GLIS3: variants seen among roughly 807,000 people sequenced by gnomAD.
GLIS3 encodes GLIS family zinc finger 3, also known as zinc finger protein GLIS3.
GLIS3 carries 53 observed loss-of-function variants against 78.6 expected under a neutral mutation model. The ratio of observed to expected loss-of-function variants is 0.67; its 90% CI spans 0.54 to 0.85. The LOEUF is 0.85. Ranked by LOEUF, GLIS3 falls within the 40% of genes least tolerant of loss-of-function variation. GLIS3 has a pLI of 0.00. For missense variants in GLIS3, 1,703 were observed against 1,231.1 expected, an observed-to-expected ratio of 1.38 and a Z score of -5.74; for synonymous variants, 684 against 509.9, an observed-to-expected ratio of 1.34 and a Z score of -4.60.
At chr9:4,025,684 C>G (rs1052255932) in intron 4 of GLIS3, among the ~76,000 whole-genome samples, 8 of 152,120 alleles carry the variant, frequency 5.3e-5, no homozygotes, top group African/African-American at 1.7e-4. Context: ...CTGTGCCTGG[C>G]CTGGCCCATG....
chr9:4,053,645 A>G lies in GLIS3; in HGVS notation c.1710+64123T>C, dbSNP rs554688736. Among the ~76,000 whole-genome samples, 329 of 150,734 alleles carry G rather than the reference A, an allele frequency of 2.2e-3. 5 individuals carry two copies. The highest frequency in any genetic ancestry group is 2.7e-3 in the Non-Finnish European group (184 of 67,680). On this transcript the variant is annotated intron_variant, in intron 4 of 10. Coordinates refer to ENST00000381971, the MANE Select transcript of GLIS3 (RefSeq NM_001042413.2). ...AATGGTGCTCAAGGCTAAAAAAAAA[A>G]AAAAGAGCTACAAGACAGAGGAAGA...
At chr9:4,116,655 A>T (rs1471065410) in intron 4 of GLIS3, among the ~76,000 whole-genome samples, 1 of 152,216 alleles carries the variant, frequency 6.6e-6, no homozygotes, top group African/African-American at 2.4e-5. Flanking sequence ...CATAGTCCAG[A>T]TTCTTTTTCA....
the GLIS3 span, among the ~76,000 whole-genome samples, chr9:4,474,898 C>T: frequency 1.3e-5 from 2 of 151,750 alleles, no homozygotes. Flanking sequence ...GACGGGGGCT[C>T]CCTATGTCGC....
At chr9:4,327,153 G>C (rs569217376) in intron 2 of GLIS3, among the ~76,000 whole-genome samples, 1 of 152,128 alleles carries the variant, frequency 6.6e-6, no homozygotes, top group Non-Finnish European at 1.5e-5. Context: ...TGATGCAGTT[G>C]GTGTAGAGGT....
chr9:4,148,264 T>G (rs1207601096), intron 2 of GLIS3, among the ~76,000 whole-genome samples: 1 of 152,148 alleles, frequency 6.6e-6, no homozygotes. Flanking sequence ...GTTTCCTTGC[T>G]ACACTCACAG....
chr9:4,324,825 T>C (rs1473789482), intron 2 of GLIS3, among the ~76,000 whole-genome samples: 2 of 152,112 alleles, frequency 1.3e-5, no homozygotes, highest in Non-Finnish European at 2.9e-5. Context: ...TTTCCAAAAA[T>C]AAAATAAAAT....
chr9:4,119,777 A>G (rs915216864), intron 3 of GLIS3, among the ~76,000 whole-genome samples: 12 of 152,254 alleles, frequency 7.9e-5, no homozygotes, highest in African/African-American at 2.9e-4. Context: ...ACAATATATT[A>G]TCTGCATATC....
At chr9:4,425,984 G>C in the GLIS3 span, among the ~76,000 whole-genome samples, 2 of 152,124 alleles carry the variant, frequency 1.3e-5, no homozygotes, top group Non-Finnish European at 2.9e-5. Context: ...ATTTGATCAA[G>C]TACCCTTAGA....
At chr9:4,468,882 C>T in the GLIS3 span, among the ~76,000 whole-genome samples, 1 of 152,160 alleles carries the variant, frequency 6.6e-6, no homozygotes, top group Admixed American at 6.5e-5. Flanking sequence ...GTGCTGTATT[C>T]AGGAGACTCA....
chr9:3,915,534 A>C lies in GLIS3; in HGVS notation c.1984-16699T>G, dbSNP rs1261433645. On this transcript the variant is annotated intron_variant, in intron 6 of 10. Coordinates refer to ENST00000381971, the MANE Select transcript of GLIS3 (RefSeq NM_001042413.2). ...GTCCTCTAAGTTAGAGGACTGGATA[A>C]TATTTTTCTTTTCCAGATGCCCTGT... Among the ~76,000 whole-genome samples the C allele has an allele frequency of 3.3e-5, 5 of 152,234 alleles. No homozygotes were observed. The East Asian group carries it at 9.7e-4, about 29-fold the overall frequency.
At chr9:4,041,133 T>C (rs529952698) in intron 4 of GLIS3, among the ~76,000 whole-genome samples, 1 of 152,352 alleles carries the variant, frequency 6.6e-6, no homozygotes, top group Non-Finnish European at 1.5e-5. Context: ...ACTGTACTTC[T>C]TTAAAACACT....
intron 4 of GLIS3, among the ~76,000 whole-genome samples, chr9:3,971,187 T>C (rs1335579950): frequency 6.6e-6 from 1 of 152,090 alleles, no homozygotes; most frequent in Middle Eastern, 3.4e-3. Flanking sequence ...AATGGCAAGA[T>C]AGCCATGTCA....
chr9:4,441,180 T>C, the GLIS3 span, among the ~76,000 whole-genome samples: 1 of 152,220 alleles, frequency 6.6e-6, no homozygotes, highest in Non-Finnish European at 1.5e-5. Flanking sequence ...CTAAGACTTC[T>C]AGTATTATGC....
chr9:4,148,015 C>T (rs554553396), intron 2 of GLIS3, among the ~76,000 whole-genome samples: 37 of 152,214 alleles, frequency 2.4e-4, no homozygotes, highest in African/African-American at 8.9e-4. Flanking sequence ...CATTAGCAAA[C>T]CAGGATTTTT....
intron 2 of GLIS3, among the ~76,000 whole-genome samples, chr9:4,152,962 G>C (rs1429811474): frequency 9.9e-5 from 15 of 152,152 alleles, no homozygotes; most frequent in Admixed American, 9.2e-4. Context: ...GTGCTTCTTA[G>C]CCTCTGCATT....
chr9:4,435,017 A>T, the GLIS3 span, among the ~76,000 whole-genome samples: 1 of 152,248 alleles, frequency 6.6e-6, no homozygotes, highest in Non-Finnish European at 1.5e-5. Flanking sequence ...TCAAAGTTGT[A>T]CAAGAATTTG....
intron 3 of GLIS3, among the ~76,000 whole-genome samples, chr9:4,124,288 T>C (rs576848806): frequency 6.6e-6 from 1 of 152,304 alleles, no homozygotes; most frequent in South Asian, 2.1e-4. Context: ...GGTTATAAAA[T>C]TATGCTAAGG....
intron 4 of GLIS3, among the ~76,000 whole-genome samples, chr9:3,961,222 AG>A: frequency 6.6e-6 from 1 of 152,344 alleles, no homozygotes; most frequent in Admixed American, 6.5e-5. Context: ...CTGTTGCCTT[AG>A]AATGGTCTTC....
chr9:4,036,675 C>G (rs963463262), intron 4 of GLIS3, among the ~76,000 whole-genome samples: 1 of 152,118 alleles, frequency 6.6e-6, no homozygotes, highest in African/African-American at 2.4e-5. Flanking sequence ...CAGCAAACGG[C>G]GCATTACCTG....
Sources: gnomAD v4.1 joint callset for allele counts (sites outside exome capture counted in the v4.1 genomes callset) on GRCh38, gnomAD v4.1.1 for gene constraint, MANE v1.5 for transcripts, NCBI Gene and HGNC (gene_info 2026-07-23, HGNC 2026-07-21) for gene names.